Variants in ROBO2 observed in about 807,000 individuals in gnomAD.
The protein encoded by ROBO2 is roundabout guidance receptor 2, also known as roundabout homolog 2.
Under a neutral mutation model 160.8 loss-of-function variants are expected in ROBO2, and 53 were observed. That is an observed-to-expected ratio of 0.33 (90% CI 0.26 to 0.41). The LOEUF (loss-of-function observed/expected upper bound fraction) is 0.41, where lower values mean the gene tolerates loss of function less well. Among genes scored for constraint, ROBO2 ranks in the 10% least tolerant of loss-of-function variants. The pLI is 1.00. For synonymous variants in ROBO2, 664 were observed against 611.7 expected (o/e 1.09, Z -1.26); for missense variants, 1,577 against 1,722.4 (o/e 0.92, Z 1.49).
chr3:76,249,364 A>G (rs1473248892), intron 2 of ROBO2, among the ~76,000 whole-genome samples: 1 of 152,102 alleles, frequency 6.6e-6, no homozygotes, highest in Non-Finnish European at 1.5e-5. Flanking sequence ...TAATATAACA[A>G]TCCAGGATTG....
chr3:76,894,288 A>T (rs1003643095), intron 2 of ROBO2, among the ~76,000 whole-genome samples: 6 of 152,162 alleles, frequency 3.9e-5, no homozygotes, highest in African/African-American at 1.4e-4. Context: ...GGATCAAAAT[A>T]TGATAACTAA....
At chr3:76,167,204 G>A (rs1469462225) in intron 2 of ROBO2, among the ~76,000 whole-genome samples, 1 of 152,126 alleles carries the variant, frequency 6.6e-6, no homozygotes, top group Non-Finnish European at 1.5e-5. Flanking sequence ...GCCATCTAAA[G>A]TGCTGGGATT....
chr3:76,006,358 A>G (rs2066019752), intron 2 of ROBO2, among the ~76,000 whole-genome samples: 1 of 152,144 alleles, frequency 6.6e-6, no homozygotes. Flanking sequence ...GATAGCTGCC[A>G]TCAAGGACAC....
At chr3:76,368,723 A>G (rs1576714880) in intron 2 of ROBO2, among the ~76,000 whole-genome samples, 1 of 151,984 alleles carries the variant, frequency 6.6e-6, no homozygotes, top group East Asian at 1.9e-4. Flanking sequence ...CTGGTCTAAG[A>G]GTAGAATATA....
At chr3:76,152,056 A>G (rs1480274213) in intron 2 of ROBO2, among the ~76,000 whole-genome samples, 2 of 152,172 alleles carry the variant, frequency 1.3e-5, no homozygotes, top group African/African-American at 4.8e-5. Context: ...AATTTTTCTA[A>G]TGAGCTTTAA....
intron 2 of ROBO2, among the ~76,000 whole-genome samples, chr3:76,016,945 G>A (rs2066422443): frequency 6.6e-6 from 1 of 152,128 alleles, no homozygotes; most frequent in Admixed American, 6.6e-5. Flanking sequence ...AGCAGTGTGT[G>A]AGGCACTTTG....
At chr3:77,559,751 C>T (rs1424382698) in intron 9 of ROBO2, among the ~76,000 whole-genome samples, 2 of 151,992 alleles carry the variant, frequency 1.3e-5, no homozygotes, top group African/African-American at 4.8e-5. Flanking sequence ...AACAAAGTGA[C>T]TATTTTTGCT....
At chr3:76,681,202 A>C (rs1409866881) in intron 2 of ROBO2, among the ~76,000 whole-genome samples, 2 of 152,240 alleles carry the variant, frequency 1.3e-5, no homozygotes, top group Non-Finnish European at 2.9e-5. Flanking sequence ...GTTGGAGCAC[A>C]ATGCAATGAA....
intron 2 of ROBO2, among the ~76,000 whole-genome samples, chr3:76,157,372 A>G (rs1210448392): frequency 6.6e-6 from 1 of 152,102 alleles, no homozygotes; most frequent in East Asian, 1.9e-4. Flanking sequence ...CTAAGTCTAA[A>G]TGGAGTATTG....
chr3:77,265,745 A>G (rs1434460178), intron 2 of ROBO2, among the ~76,000 whole-genome samples: 2 of 152,150 alleles, frequency 1.3e-5, no homozygotes, highest in East Asian at 3.8e-4. Context: ...GTCCATTCTA[A>G]TATGTTTCAT....
chr3:76,561,484 ATGC>A (rs2084182678), intron 2 of ROBO2, among the ~76,000 whole-genome samples: 1 of 152,172 alleles, frequency 6.6e-6, no homozygotes. Context: ...TGAACTGAAA[ATGC>A]TGCTACTTTC....
intron 2 of ROBO2, among the ~76,000 whole-genome samples, chr3:76,750,532 G>A (rs1300118160): frequency 3.3e-5 from 5 of 152,102 alleles, no homozygotes; most frequent in African/African-American, 1.2e-4. Flanking sequence ...TGACATGATT[G>A]TATATTTAGA....
chr3:76,848,400 T>C (rs546322736), intron 2 of ROBO2, among the ~76,000 whole-genome samples: 31 of 152,252 alleles, frequency 2.0e-4, no homozygotes, highest in Admixed American at 1.7e-3. Flanking sequence ...GATGATGGAC[T>C]TCAAGCTACC....
intron 1 of ROBO2, among the ~76,000 whole-genome samples, chr3:77,072,122 AC>A (rs1442320400): frequency 6.6e-6 from 1 of 151,944 alleles, no homozygotes; most frequent in East Asian, 1.9e-4. Flanking sequence ...AGGAGCGAGA[AC>A]CCTGTTTGTG....
chr3:77,518,753 C>T lies in ROBO2; in HGVS notation c.807-4022C>T, dbSNP rs141675450. ...ATAATCTTTTCCAACTTCAGTGATCCTCAAGGAGAAATTAAAAGATGACAA... is the reference window on the plus strand; with the variant it reads ...ATAATCTTTTCCAACTTCAGTGATCTTCAAGGAGAAATTAAAAGATGACAA... On this transcript the variant is annotated intron_variant, in intron 5 of 25. Coordinates refer to ENST00000461745, the Ensembl canonical transcript of ROBO2. 1.5e-3 allele frequency among the ~76,000 whole-genome samples: 226 copies of T among 151,554 alleles called. 2 individuals are homozygous for T. Among genetic ancestry groups the T allele is most frequent in the African/African-American group, 5.0e-3 (209 of 41,454 alleles).
chr3:76,858,009 C>T (rs17014826), intron 2 of ROBO2, among the ~76,000 whole-genome samples: 18,884 of 151,768 alleles, frequency 0.12, 1,343 homozygotes, highest in East Asian at 0.24. Context: ...CCCTTCAAGA[C>T]TCTCCTCATT....
intron 2 of ROBO2, among the ~76,000 whole-genome samples, chr3:77,185,813 A>ATATG (rs2081227154): frequency 6.6e-6 from 1 of 151,718 alleles, no homozygotes; most frequent in Non-Finnish European, 1.5e-5. Flanking sequence ...ACACATATAT[A>ATATG]TATATGTATA....
intron 2 of ROBO2, among the ~76,000 whole-genome samples, chr3:77,387,501 G>C (rs1560694674): frequency 6.6e-6 from 1 of 152,040 alleles, no homozygotes; most frequent in Non-Finnish European, 1.5e-5. Context: ...TCAGTCCCTA[G>C]CTTCTGCAGC....
At chr3:76,888,297 T>C (rs2074067177) in intron 2 of ROBO2, among the ~76,000 whole-genome samples, 1 of 152,076 alleles carries the variant, frequency 6.6e-6, no homozygotes. Context: ...GAACCTGGGA[T>C]GCAGAGGCTG....
Sources: gnomAD v4.1 joint callset for allele counts (sites outside exome capture counted in the v4.1 genomes callset) on GRCh38, gnomAD v4.1.1 for gene constraint, MANE v1.5 for transcripts, NCBI Gene and HGNC (gene_info 2026-07-23, HGNC 2026-07-21) for gene names.